Variants in CHN2 observed in about 807,000 individuals in gnomAD.
The protein encoded by CHN2 is chimerin 2, also known as beta-chimaerin.
A neutral mutation model predicts 56.3 loss-of-function variants in CHN2; 35 were observed. The ratio of observed to expected loss-of-function variants is 0.62; its 90% CI spans 0.47 to 0.82. The LOEUF is 0.82. CHN2 is among the 40% of genes least tolerant of loss of function. The pLI is 0.00. For synonymous variants in CHN2, 210 were observed against 212.8 expected, an observed-to-expected ratio of 0.99 and a Z score of 0.12; for missense variants, 491 against 580.5, an observed-to-expected ratio of 0.85 and a Z score of 1.58.
chr7:29,344,652 A>G (rs1021166619), intron 1 of CHN2, among the ~76,000 whole-genome samples: 2 of 152,152 alleles, frequency 1.3e-5, no homozygotes, highest in East Asian at 3.9e-4. Context: ...GCAATAGCCT[A>G]TCTGCTTGAC....
intron 7 of CHN2, among the ~76,000 whole-genome samples, chr7:29,487,217 G>A (rs114900653): frequency 7.3e-6 from 1 of 136,888 alleles, no homozygotes; most frequent in East Asian, 2.2e-4. Flanking sequence ...TTTTTTTTTT[G>A]TTTGTTTGTT....
At chr7:29,238,208 T>A (rs540020638) in intron 1 of CHN2, among the ~76,000 whole-genome samples, 1 of 151,842 alleles carries the variant, frequency 6.6e-6, no homozygotes, top group South Asian at 2.1e-4. Context: ...TTAGTAAAGA[T>A]GGGGTTTCAC....
intron 6 of CHN2, among the ~76,000 whole-genome samples, chr7:29,407,750 G>A (rs1802791800): frequency 6.6e-6 from 1 of 152,230 alleles, no homozygotes; most frequent in Non-Finnish European, 1.5e-5. Flanking sequence ...ATCCGCTCAT[G>A]AGACTGGGTT....
intron 3 of CHN2, among the ~76,000 whole-genome samples, chr7:29,378,380 CTAAGAA>C (rs1800232803): frequency 6.6e-6 from 1 of 152,178 alleles, no homozygotes; most frequent in Non-Finnish European, 1.5e-5. Flanking sequence ...GTGTTTTGAG[CTAAGAA>C]TAAGAGGTCC....
intron 1 of CHN2, among the ~76,000 whole-genome samples, chr7:29,309,418 G>A (rs1794418248): frequency 6.6e-6 from 1 of 152,106 alleles, no homozygotes; most frequent in Non-Finnish European, 1.5e-5. Flanking sequence ...TCCACTCATA[G>A]AGGACAAAGC....
intron 1 of CHN2, among the ~76,000 whole-genome samples, chr7:29,336,346 C>A (rs1459482266): frequency 6.6e-6 from 1 of 152,058 alleles, no homozygotes; most frequent in Non-Finnish European, 1.5e-5. Context: ...GCATGGTGAC[C>A]CACACCTGTA....
chr7:29,158,761 GAA>G (rs2128705829), intron 2 of CHN2, among the ~76,000 whole-genome samples: 1 of 152,290 alleles, frequency 6.6e-6, no homozygotes, highest in African/African-American at 2.4e-5. Context: ...AATCAAATGT[GAA>G]AGAGATTAGT....
intron 6 of CHN2, among the ~76,000 whole-genome samples, chr7:29,417,493 G>A (rs1314665368): frequency 1.3e-5 from 2 of 151,942 alleles, no homozygotes; most frequent in South Asian, 2.1e-4. Context: ...CCGCCACCAC[G>A]CCCGGCTAAT....
At chr7:29,179,818 G>T (rs1797838032) in intron 2 of CHN2, among the ~76,000 whole-genome samples, 1 of 152,104 alleles carries the variant, frequency 6.6e-6, no homozygotes, top group African/African-American at 2.4e-5. Flanking sequence ...GTTTTCTTAT[G>T]CTTTGCAAAA....
chr7:29,397,462 A>C (rs1801845533), intron 4 of CHN2: 1 of 152,214 alleles, frequency 6.6e-6, no homozygotes, highest in African/African-American at 2.4e-5. Context: ...AATCCTAGAA[A>C]GGGGTGTTAC....
At chr7:29,228,121 TA>T (rs199570625) in intron 1 of CHN2, among the ~76,000 whole-genome samples, 4 of 148,794 alleles carry the variant, frequency 2.7e-5, no homozygotes, top group African/African-American at 9.9e-5. Context: ...GAAGCTACCT[TA>T]AAAAAAAACC....
At chr7:29,360,455 G>C (rs1798649001) in intron 2 of CHN2, among the ~76,000 whole-genome samples, 1 of 152,198 alleles carries the variant, frequency 6.6e-6, no homozygotes, top group African/African-American at 2.4e-5. Flanking sequence ...AGGAGGCAGA[G>C]GTTGTGGTTA....
intron 1 of CHN2, among the ~76,000 whole-genome samples, chr7:29,272,349 G>T (rs1313793036): frequency 6.6e-6 from 1 of 152,204 alleles, no homozygotes; most frequent in Non-Finnish European, 1.5e-5. Flanking sequence ...GCCTCGTTGA[G>T]AGCTGAGGGG....
rs984386357 is a variant in CHN2, at chr7:29,251,587, G to C, written c.49+56597G>C. Among the ~76,000 whole-genome samples, 6 of 152,246 alleles carry C rather than the reference G, an allele frequency of 3.9e-5. No individual in the cohort carries two copies. In the South Asian group the frequency reaches 1.0e-3, roughly 26 times the overall value. ...CATGGTGAGTACTGAATAAATGCGA[G>C]GCAGTGTTTTCAAGGTAACTTCGTG... On this transcript the variant is annotated intron_variant, in intron 1 of 12. Transcript: ENST00000222792.
At chr7:29,187,369 AAG>A (rs1318101553) in intron 2 of CHN2, among the ~76,000 whole-genome samples, 4 of 150,918 alleles carry the variant, frequency 2.7e-5, no homozygotes, top group Middle Eastern at 3.2e-3. Context: ...GTGTGTGACA[AAG>A]AGAGAGACAG....
At chr7:29,479,651 G>C in intron 6 of CHN2, 2 of 1,028,944 alleles carry the variant, frequency 1.9e-6, no homozygotes, top group Non-Finnish European at 2.3e-6. Context: ...CAGAGCCCCA[G>C]ATTAATTGGA....
chr7:29,246,297 A>G (rs547490535), intron 1 of CHN2, among the ~76,000 whole-genome samples: 33 of 152,152 alleles, frequency 2.2e-4, no homozygotes, highest in Non-Finnish European at 3.5e-4. Flanking sequence ...GTCCTGCTCC[A>G]CGTGGCTGGG....
At chr7:29,218,792 A>G (rs1329218585) in intron 1 of CHN2, among the ~76,000 whole-genome samples, 1 of 132,000 alleles carries the variant, frequency 7.6e-6, no homozygotes, top group Non-Finnish European at 1.5e-5. Context: ...ATCACACACC[A>G]GGGACTGTTG....
intron 6 of CHN2, among the ~76,000 whole-genome samples, chr7:29,472,568 G>A (rs973777981): frequency 4.6e-5 from 7 of 151,962 alleles, no homozygotes; most frequent in African/African-American, 1.7e-4. Context: ...TATGTTCAGG[G>A]AATGAGCCAA....
Sources: allele counts gnomAD v4.1 joint callset (sites outside exome capture counted in the v4.1 genomes callset), GRCh38; gene constraint gnomAD v4.1.1; transcripts MANE v1.5; gene names NCBI Gene and HGNC (gene_info 2026-07-23, HGNC 2026-07-21).